PTBP2: variants seen among roughly 807,000 people sequenced by gnomAD.
PTBP2 encodes the protein polypyrimidine tract-binding protein 2.
In PTBP2, 13 loss-of-function variants were observed where a neutral mutation model predicts 61.4. The observed-to-expected ratio is 0.21, with a 90% CI of 0.14 to 0.34. The LOEUF (loss-of-function observed/expected upper bound fraction) is 0.34, where lower values mean the gene tolerates loss of function less well. PTBP2 is among the 10% of genes least tolerant of loss of function. The pLI, the probability that PTBP2 is intolerant of heterozygous loss-of-function variation, is 1.00. For synonymous variants in PTBP2, 215 were observed against 218.5 expected (o/e 0.98, Z 0.14); for missense variants, 405 against 642.6 (o/e 0.63, Z 4.00).
At chr1:96,763,764 A>AT (rs1478843968) in intron 3 of PTBP2, among the ~76,000 whole-genome samples, 1 of 152,188 alleles carries the variant, frequency 6.6e-6, no homozygotes, top group African/African-American at 2.4e-5. Context: ...AAGTCAGTTT[A>AT]TTTAACCTCC....
chr1:96,740,271 G>T lies in PTBP2; in HGVS notation c.40-11154G>T, dbSNP rs1005939767. On this transcript the variant is annotated intron_variant, in intron 2 of 13. Transcript: ENST00000674951. ...GGAAACTGGGAAGTCCAAGATCAAG[G>T]TACCAGCAAGGCAACTTTCCTTCTG... is the stretch of plus-strand genomic sequence containing the variant. 2.6e-5 allele frequency among the ~76,000 whole-genome samples: 4 copies of T among 152,142 alleles called. No individual in the cohort carries two copies. The East Asian group carries it at 7.7e-4, about 29-fold the overall frequency.
chr1:96,816,526 T>G (rs540207374), downstream of PTBP2: 17 of 152,172 alleles, frequency 1.1e-4, no homozygotes, highest in Non-Finnish European at 2.1e-4. Flanking sequence ...AAGGAAGAGA[T>G]ATCTACAGTT....
chr1:96,777,537 T>A, intron 5 of PTBP2, 48 bp from the exon 6 acceptor site: 7 of 1,524,778 alleles, frequency 4.6e-6, no homozygotes, highest in Non-Finnish European at 6.2e-6. Flanking sequence ...TTGCAAAGTA[T>A]GTGACAATAA....
intron 3 of PTBP2, among the ~76,000 whole-genome samples, chr1:96,763,744 T>G (rs1019358306): frequency 2.0e-5 from 3 of 152,166 alleles, no homozygotes; most frequent in Non-Finnish European, 2.9e-5. Flanking sequence ...AAGCCTTGTT[T>G]TAATACAAGA....
intron 11 of PTBP2, among the ~76,000 whole-genome samples, chr1:96,808,783 T>A (rs905467479): frequency 5.3e-5 from 8 of 151,580 alleles, no homozygotes; most frequent in African/African-American, 1.9e-4. Context: ...ACTGACACCA[T>A]CATTTCCTTT....
chr1:96,802,446 T>G (rs1661116128), intron 8 of PTBP2, among the ~76,000 whole-genome samples: 1 of 152,066 alleles, frequency 6.6e-6, no homozygotes, highest in Admixed American at 6.6e-5. Flanking sequence ...TGATTAGAGT[T>G]TTTAGATTAT....
intron 2 of PTBP2, among the ~76,000 whole-genome samples, chr1:96,731,124 A>G (rs1271696339): frequency 6.6e-6 from 1 of 152,146 alleles, no homozygotes; most frequent in Non-Finnish European, 1.5e-5. Context: ...TGGACATACC[A>G]CAATTTAGTT....
At chr1:96,743,872 G>C (rs1490100070) in intron 2 of PTBP2, among the ~76,000 whole-genome samples, 1 of 152,060 alleles carries the variant, frequency 6.6e-6, no homozygotes, top group Non-Finnish European at 1.5e-5. Flanking sequence ...TGTGTGTGTT[G>C]TGTGGGTTTT....
At chr1:96,746,431 T>C (rs1271518823) in intron 2 of PTBP2, among the ~76,000 whole-genome samples, 1 of 152,192 alleles carries the variant, frequency 6.6e-6, no homozygotes, top group Non-Finnish European at 1.5e-5. Flanking sequence ...TACATCTTTT[T>C]TCCCCCCACA....
rs986443199 is a variant in PTBP2, at chr1:96,725,302, T to G, written c.39+1708T>G. On this transcript the variant is annotated intron_variant, in intron 2 of 13. Transcript: ENST00000674951. ...AGGTGTAATGTATTGGTTACACCAGTTTTTTTTTTTTTTTTTTGAGACAGA... is the reference window on the plus strand; with the variant it reads ...AGGTGTAATGTATTGGTTACACCAGGTTTTTTTTTTTTTTTTTGAGACAGA... Among the ~76,000 whole-genome samples the G allele has an allele frequency of 6.0e-4, 41 of 68,250 alleles. No individual in the cohort carries two copies. In the East Asian group the frequency reaches 0.026, roughly 43 times the overall value. The allele number at this position is 68,250 out of a possible 152,430, so 44.8% of individuals were successfully genotyped here.
intron 8 of PTBP2, among the ~76,000 whole-genome samples, chr1:96,793,614 G>T (rs1018011621): frequency 6.6e-6 from 1 of 151,950 alleles, no homozygotes; most frequent in Non-Finnish European, 1.5e-5. Context: ...CTCGTGATCC[G>T]CCCACCTTGG....
Position 96,785,222 on chromosome 1 carries a change from C to T in PTBP2, c.872C>T (p.Ala291Val). Residue 291 changes from alanine to valine, a missense_variant, in exon 8 of 14, where the codon GCT (alanine) becomes GTT (valine). This residue lies in a region of PTBP2 where 342 missense variants were observed against 491.2 expected (regional missense o/e 0.70). Coordinates refer to ENST00000674951, the MANE Select transcript of PTBP2 (RefSeq NM_021190.4). Reference sequence around the variant, plus strand: ...CAACCTGCATTGGACCCAGCTATTGCTGCAGCATTTGCCAAGGAGACATCC... The same window carrying T: ...CAACCTGCATTGGACCCAGCTATTGTTGCAGCATTTGCCAAGGAGACATCC... ...DGQPALDPAI[A>V]AAFAKETSLL... 6.3e-7 allele frequency: 1 copy of T among 1,598,658 alleles called. No individual in the cohort carries two copies.
At chr1:96,724,560 C>T (rs981620199) in intron 2 of PTBP2, among the ~76,000 whole-genome samples, 1 of 151,950 alleles carries the variant, frequency 6.6e-6, no homozygotes, top group African/African-American at 2.4e-5. Flanking sequence ...CCACCGTGCC[C>T]GGCCTGTATT....
intron 11 of PTBP2, among the ~76,000 whole-genome samples, chr1:96,807,822 A>G (rs2101219412): frequency 6.6e-6 from 1 of 152,346 alleles, no homozygotes; most frequent in Middle Eastern, 3.4e-3. Flanking sequence ...AACTCAGATG[A>G]GGTATAAAAC....
At chr1:96,800,003 G>C (rs1570995366) in intron 8 of PTBP2, among the ~76,000 whole-genome samples, 2 of 152,324 alleles carry the variant, frequency 1.3e-5, no homozygotes, top group South Asian at 4.1e-4. Context: ...GATAGCCTAA[G>C]TAGTTTTTCT....
At chr1:96,819,228 C>T (rs536891822), downstream of PTBP2, 2 of 152,060 alleles carry the variant, frequency 1.3e-5, no homozygotes, top group East Asian at 3.9e-4. Context: ...TATTGCATAG[C>T]ACAGTCTAAC....
chr1:96,785,042 T>G lies in PTBP2; in HGVS notation c.709-17T>G. On this transcript the variant is annotated splice_polypyrimidine_tract_variant and intron_variant, in intron 7 of 13. Transcript: ENST00000674951. ...TTTTTGTTTAAGATTGCTGATATGC[T>G]TTATTCACTTTTACAGGCCCTAGAT... The G allele has an allele frequency of 1.3e-6, 2 of 1,501,720 alleles. No homozygotes were observed. The highest frequency in any genetic ancestry group is 1.8e-6 in the Non-Finnish European group (2 of 1,118,276). 93.0% of individuals were successfully genotyped at this position (1,501,720 alleles called of 1,614,324 possible). A position where few individuals can be genotyped will look rare whatever the true frequency, so the allele number is the denominator to read the frequency against.
At chr1:96,741,512 T>C (rs946424406) in intron 2 of PTBP2, among the ~76,000 whole-genome samples, 31 of 152,178 alleles carry the variant, frequency 2.0e-4, no homozygotes, top group African/African-American at 7.5e-4. Flanking sequence ...TTCTCCCGCA[T>C]TGGCCTCCTA....
At chr1:96,727,535 C>G (rs2100789381) in intron 2 of PTBP2, among the ~76,000 whole-genome samples, 1 of 152,056 alleles carries the variant, frequency 6.6e-6, no homozygotes, top group Admixed American at 6.6e-5. Flanking sequence ...ATTTCCAGTC[C>G]TTCCACATCC....
Sources: gnomAD v4.1 joint callset for allele counts (sites outside exome capture counted in the v4.1 genomes callset) on GRCh38, gnomAD v4.1.1 for gene constraint, gnomAD v4.1.1 regional missense constraint, MANE v1.5 for transcripts, NCBI Gene and HGNC (gene_info 2026-07-23, HGNC 2026-07-21) for gene names.